The following GARNL3 variants were observed in gnomAD, a reference collection of about 807,000 sequenced individuals.
GARNL3 encodes GTPase-activating Rap/Ran-GAP domain-like protein 3.
In GARNL3, 63 loss-of-function variants were observed where a neutral mutation model predicts 125.0. The observed-to-expected ratio is 0.50, with a 90% confidence interval of 0.41 to 0.62. The LOEUF is 0.62. GARNL3 is among the 20% of genes least tolerant of loss of function. The pLI is 0.00. For missense variants in GARNL3, 994 were observed against 1,244.0 expected, an observed-to-expected ratio of 0.80 and a Z score of 3.02; for synonymous variants, 439 against 457.5, an observed-to-expected ratio of 0.96 and a Z score of 0.52.
At chr9:127,366,608 A>AT (rs934853469) in intron 22 of GARNL3, among the ~76,000 whole-genome samples, 6 of 152,052 alleles carry the variant, frequency 3.9e-5, no homozygotes, top group African/African-American at 1.5e-4. Flanking sequence ...ACTGATTTGG[A>AT]TTTTTTTTAT....
At chr9:127,367,811 A>G (rs1206658077) in intron 22 of GARNL3, among the ~76,000 whole-genome samples, 1 of 152,028 alleles carries the variant, frequency 6.6e-6, no homozygotes, top group Non-Finnish European at 1.5e-5. Flanking sequence ...TAACCTCACT[A>G]AGTCTTCACT....
intron 1 of GARNL3, among the ~76,000 whole-genome samples, chr9:127,286,947 C>A (rs1226069609): frequency 6.6e-6 from 1 of 152,156 alleles, no homozygotes; most frequent in African/African-American, 2.4e-5. Context: ...TGGGTCTGCA[C>A]CACACATTCA....
chr9:127,237,081 A>G (rs1280036006), intron 1 of GARNL3, among the ~76,000 whole-genome samples: 2 of 152,174 alleles, frequency 1.3e-5, no homozygotes, highest in Non-Finnish European at 2.9e-5. Flanking sequence ...AAGTGTGTAC[A>G]AGTTTGTTGG....
Position 127,289,676 on chromosome 9 carries a change from A to T in GARNL3, c.145-1492A>T, listed in dbSNP as rs1209854441. On this transcript the variant is annotated intron_variant, in intron 1 of 27. Transcript: ENST00000373387. ...GTGTGACCCAAAGCCCTCACTATAA[A>T]TCAGTGTGGCTCAGAGCCCCTAAGT... Among the ~76,000 whole-genome samples the T allele has an allele frequency of 2.6e-5, 4 of 152,214 alleles. 1 individual carries two copies. The highest frequency in any genetic ancestry group is 3.8e-4 in the East Asian group (2 of 5,198).
chr9:127,393,240 A>G lies in GARNL3; in HGVS notation c.3028A>G (p.Ile1010Val). 1 of 1,610,274 alleles carries G rather than the reference A, an allele frequency of 6.2e-7. No individual in the cohort carries two copies. ...QLTAFSDEDI[I>V]DLK ...CACGGCTTTCTCCGATGAAGACATT[A>G]TAGACTTGAAGTAACAGAGTTGAAT... The change falls in exon 28 of 28, where the codon ATA (isoleucine) becomes GTA (valine). Residue 1010 changes from isoleucine (I) to valine (V), a missense_variant. By Grantham distance (29) the Ile-to-Val change is conservative (BLOSUM62 3). Around this residue, in one of 5 missense-constraint regions of GARNL3, gnomAD observed 728 missense variants for 865.7 expected, o/e 0.84. Transcript: ENST00000373387.
At chr9:127,289,512 C>T (rs934810889) in intron 1 of GARNL3, among the ~76,000 whole-genome samples, 7 of 152,186 alleles carry the variant, frequency 4.6e-5, no homozygotes, top group Admixed American at 6.5e-5. Flanking sequence ...ACATCAGCAC[C>T]GAGTGGAATG....
chr9:127,301,668 A>G (rs990902349), intron 2 of GARNL3, among the ~76,000 whole-genome samples: 1 of 152,142 alleles, frequency 6.6e-6, no homozygotes, highest in Non-Finnish European at 1.5e-5. Flanking sequence ...CTAATTGTCA[A>G]GACTTTTTGG....
At chr9:127,265,129 A>G in intron 1 of GARNL3, 108 bp downstream of exon 1, 1 of 882,358 alleles carries the variant, frequency 1.1e-6, no homozygotes, top group Non-Finnish European at 1.7e-6. Flanking sequence ...CCATGTGGGT[A>G]CAGTGTAAGG....
chr9:127,365,616 C>T (rs1007232848), intron 22 of GARNL3, among the ~76,000 whole-genome samples: 1 of 152,174 alleles, frequency 6.6e-6, no homozygotes, highest in Non-Finnish European at 1.5e-5. Context: ...ATGACAATGG[C>T]TTCCAGTTAG....
intron 9 of GARNL3, among the ~76,000 whole-genome samples, chr9:127,333,336 C>G (rs74796861): frequency 0.01 from 1,582 of 152,240 alleles, 13 homozygotes; most frequent in Non-Finnish European, 0.015. Context: ...CAGCCCTGGA[C>G]AGTGTCAGAA....
intron 2 of GARNL3, among the ~76,000 whole-genome samples, chr9:127,306,011 G>T (rs189518005): frequency 2.0e-5 from 3 of 152,066 alleles, no homozygotes; most frequent in African/African-American, 7.2e-5. Flanking sequence ...AGCACCTTGC[G>T]CCTCCCTGTG....
In GARNL3 at chr9:127,332,980, T is replaced by G. The variant is rs750463680; in HGVS notation, c.671-43T>G. 5.2e-6 allele frequency: 7 copies of G among 1,347,888 alleles called. No individual in the cohort carries two copies. In the Admixed American group the frequency reaches 1.2e-4, roughly 23 times the overall value. The allele number at this position is 1,347,888 out of a possible 1,614,324, so 83.5% of individuals were successfully genotyped here. Reference sequence around the variant, plus strand: ...GGTCCATAGTTAGAAAATGAGGACTTGTTGATGCCCATACTTTCCTCATAC... The same window carrying G: ...GGTCCATAGTTAGAAAATGAGGACTGGTTGATGCCCATACTTTCCTCATAC... On this transcript the variant is annotated intron_variant, in intron 8 of 27. Transcript: ENST00000373387.
intron 1 of GARNL3, among the ~76,000 whole-genome samples, chr9:127,241,765 GTTTGT>G (rs892503182): frequency 1.8e-4 from 25 of 136,804 alleles, no homozygotes; most frequent in South Asian, 4.4e-4. Flanking sequence ...TTGTTTGTTT[GTTTGT>G]TTTGTTTTGT....
chr9:127,357,428 G>A (rs184680343), intron 21 of GARNL3, 51 bp downstream of exon 21: 243 of 1,564,872 alleles, frequency 1.6e-4, no homozygotes, highest in African/African-American at 1.5e-3. Flanking sequence ...AGTAATCATC[G>A]TTGTGTATTC....
intron 6 of GARNL3, 21 bp from the exon 7 acceptor site, chr9:127,325,048 T>A: frequency 6.2e-7 from 1 of 1,611,994 alleles, no homozygotes; most frequent in South Asian, 1.1e-5. Context: ...TGGATGTAAC[T>A]TTTAAAACTT....
chr9:127,307,206 T>A lies in GARNL3; in HGVS notation c.220-4430T>A, dbSNP rs548961652. Among the ~76,000 whole-genome samples the A allele has an allele frequency of 3.3e-5, 5 of 152,354 alleles. No homozygotes were observed. The East Asian group carries it at 9.6e-4, about 29-fold the overall frequency. On this transcript the variant is annotated intron_variant, in intron 2 of 27. Coordinates refer to ENST00000373387, the MANE Select transcript of GARNL3 (RefSeq NM_032293.5). Reference sequence around the variant, plus strand: ...GCCCCGCTCTCTGTGCTGAATTCTTTTAGAACTGGCATAGAGCATTGTTTC... The same window carrying A: ...GCCCCGCTCTCTGTGCTGAATTCTTATAGAACTGGCATAGAGCATTGTTTC...
chr9:127,307,697 C>T (rs907126898), intron 2 of GARNL3, among the ~76,000 whole-genome samples: 3 of 151,374 alleles, frequency 2.0e-5, no homozygotes, highest in Non-Finnish European at 4.4e-5. Flanking sequence ...GAACAATACA[C>T]GAAAATGTTA....
chr9:127,360,392 A>AGCC (rs1397872835), intron 21 of GARNL3, among the ~76,000 whole-genome samples: 1 of 152,186 alleles, frequency 6.6e-6, no homozygotes, highest in Non-Finnish European at 1.5e-5. Context: ...CAGCGTGTAC[A>AGCC]GCCCTCCCGT....
chr9:127,231,155 T>C (rs561965886), intron 1 of GARNL3, among the ~76,000 whole-genome samples: 159 of 145,304 alleles, frequency 1.1e-3, no homozygotes, highest in Non-Finnish European at 1.5e-3. Context: ...TCTGGGTTCA[T>C]GCCATTCTCC....
Sources: allele counts gnomAD v4.1 joint callset (sites outside exome capture counted in the v4.1 genomes callset), GRCh38; gene constraint gnomAD v4.1.1; regional missense constraint gnomAD v4.1.1; transcripts MANE v1.5; gene names NCBI Gene and HGNC (gene_info 2026-07-23, HGNC 2026-07-21).